RFX3: variants seen among roughly 807,000 people sequenced by gnomAD.
RFX3 encodes the protein transcription factor RFX3.
RFX3 carries 14 observed loss-of-function variants against 98.6 expected under a neutral mutation model. The observed-to-expected ratio is 0.14, with a 90% CI of 0.09 to 0.22. The LOEUF (loss-of-function observed/expected upper bound fraction) is 0.22, where lower values mean the gene tolerates loss of function less well. Ranked by LOEUF, RFX3 falls within the 10% of genes least tolerant of loss-of-function variation. RFX3 has a pLI of 1.00. For synonymous variants in RFX3, 383 were observed against 328.4 expected, an observed-to-expected ratio of 1.17 and a Z score of -1.80; for missense variants, 639 against 926.9, an observed-to-expected ratio of 0.69 and a Z score of 4.03.
At chr9:3,396,857 T>G (rs1198697434) in intron 1 of RFX3, among the ~76,000 whole-genome samples, 1 of 152,322 alleles carries the variant, frequency 6.6e-6, no homozygotes, top group South Asian at 2.1e-4. Flanking sequence ...TCTAAGGTCC[T>G]TTCCAACTTT....
intron 13 of RFX3, among the ~76,000 whole-genome samples, chr9:3,261,812 T>C (rs185802092): frequency 3.2e-4 from 49 of 152,278 alleles, no homozygotes; most frequent in Admixed American, 2.9e-3. Flanking sequence ...ATAGGGTATG[T>C]TATTATATGT....
At chr9:3,225,982 C>T (rs1366037992) in intron 16 of RFX3, among the ~76,000 whole-genome samples, 1 of 152,020 alleles carries the variant, frequency 6.6e-6, no homozygotes, top group Non-Finnish European at 1.5e-5. Flanking sequence ...TCACTGTTAC[C>T]CCCAAATTGT....
At chr9:3,325,209 C>G (rs1026205477) in intron 4 of RFX3, among the ~76,000 whole-genome samples, 1 of 152,096 alleles carries the variant, frequency 6.6e-6, no homozygotes, top group Admixed American at 6.6e-5. Flanking sequence ...AAGAGCTAAA[C>G]ATATTTATAC....
chr9:3,493,225 G>C (rs1002595824), intron 1 of RFX3, among the ~76,000 whole-genome samples: 1 of 151,992 alleles, frequency 6.6e-6, no homozygotes, highest in Non-Finnish European at 1.5e-5. Flanking sequence ...TTCAACCAAA[G>C]TCTTTCTCAA....
intron 9 of RFX3, 34 bp from the exon 10 acceptor site, chr9:3,271,152 A>G (rs1824377084): frequency 5.1e-6 from 8 of 1,575,866 alleles, no homozygotes; most frequent in Non-Finnish European, 7.0e-6. Context: ...ATTACCTTAC[A>G]ATATTATTTA....
chr9:3,488,784 A>G (rs1225372950), intron 1 of RFX3: 14 of 985,200 alleles, frequency 1.4e-5, no homozygotes, highest in Non-Finnish European at 1.6e-5. Flanking sequence ...ACGCAGAACC[A>G]CAAGTTTGAA....
chr9:3,346,948 C>G (rs969854879), intron 2 of RFX3, among the ~76,000 whole-genome samples, 184 bp from the exon 3 acceptor site: 1 of 152,164 alleles, frequency 6.6e-6, no homozygotes, highest in African/African-American at 2.4e-5. Flanking sequence ...GCAACTGCAA[C>G]ATTTATGCTG....
At chr9:3,453,486 G>C (rs1251321365) in intron 1 of RFX3, 1 of 151,972 alleles carries the variant, frequency 6.6e-6, no homozygotes, top group Non-Finnish European at 1.5e-5. Flanking sequence ...AAGGCGGGTG[G>C]ATCACTTGAG....
chr9:3,362,056 G>C lies in RFX3; in HGVS notation c.118-15292C>G, dbSNP rs747477168. Among the ~76,000 whole-genome samples the C allele has an allele frequency of 2.0e-5, 3 of 152,316 alleles. No homozygotes were observed. The East Asian group carries it at 5.8e-4, about 29-fold the overall frequency. On this transcript the variant is annotated intron_variant, in intron 2 of 16. Transcript: ENST00000617270. The stretch of plus-strand genomic sequence containing the variant: ...TTTGGTATAATTTGTAGGTAAGGAT[G>C]TTTATACTTCATGAGCACAGGATCA...
At chr9:3,340,423 A>T (rs1021512434) in intron 3 of RFX3, among the ~76,000 whole-genome samples, 37 of 152,350 alleles carry the variant, frequency 2.4e-4, no homozygotes, top group African/African-American at 8.7e-4. Flanking sequence ...AAAACCAAAG[A>T]GCTTCTGCAC....
At chr9:3,340,807 G>C (rs1239130285) in intron 3 of RFX3, among the ~76,000 whole-genome samples, 2 of 152,192 alleles carry the variant, frequency 1.3e-5, no homozygotes, top group African/African-American at 2.4e-5. Context: ...CTGTTGGTGA[G>C]ACTGTAAACT....
chr9:3,496,115 G>C (rs1851090894), intron 1 of RFX3, among the ~76,000 whole-genome samples: 1 of 152,002 alleles, frequency 6.6e-6, no homozygotes, highest in African/African-American at 2.4e-5. Context: ...CACAAGCCTG[G>C]GCAGTTTAGT....
At chr9:3,504,877 TATTATATATAATATAACATATATTATATA>T (rs1816666109) in intron 1 of RFX3, among the ~76,000 whole-genome samples, 1 of 75,664 alleles carries the variant, frequency 1.3e-5, no homozygotes, top group African/African-American at 6.4e-5. Context: ...ATATTATATA[TATTATATATAATATAACATATATTATATA>T]TATATATAAT....
chr9:3,411,619 G>C (rs1018942156), intron 1 of RFX3, among the ~76,000 whole-genome samples: 10 of 151,828 alleles, frequency 6.6e-5, no homozygotes, highest in Non-Finnish European at 1.3e-4. Flanking sequence ...GGGATTATAG[G>C]TGTGTGACAC....
At chr9:3,411,407 G>C (rs1025460145) in intron 1 of RFX3, among the ~76,000 whole-genome samples, 9 of 151,888 alleles carry the variant, frequency 5.9e-5, no homozygotes, top group African/African-American at 2.2e-4. Context: ...CTGTTGCCAA[G>C]GCTGAAGTGC....
At chr9:3,383,200 T>C (rs1839373913) in intron 2 of RFX3, among the ~76,000 whole-genome samples, 1 of 152,118 alleles carries the variant, frequency 6.6e-6, no homozygotes, top group Non-Finnish European at 1.5e-5. Flanking sequence ...TGTTCATACT[T>C]AGAGTCTGAG....
intron 3 of RFX3, chr9:3,344,701 G>A: frequency 1.7e-6 from 1 of 603,610 alleles, no homozygotes; most frequent in Non-Finnish European, 3.0e-6. Context: ...ACTTGTCACA[G>A]ACAAAGATGA....
At chr9:3,317,458 G>C (rs1830752979) in intron 4 of RFX3, among the ~76,000 whole-genome samples, 1 of 152,156 alleles carries the variant, frequency 6.6e-6, no homozygotes, top group South Asian at 2.1e-4. Flanking sequence ...CATAGGCATG[G>C]GCAAGGACTT....
intron 2 of RFX3, among the ~76,000 whole-genome samples, chr9:3,371,211 G>C (rs997797653): frequency 6.6e-6 from 1 of 152,154 alleles, no homozygotes. Context: ...CAAAAATTCA[G>C]ATGTCTCTGT....
Sources: gnomAD v4.1 joint callset for allele counts (sites outside exome capture counted in the v4.1 genomes callset) on GRCh38, gnomAD v4.1.1 for gene constraint, MANE v1.5 for transcripts, NCBI Gene and HGNC (gene_info 2026-07-23, HGNC 2026-07-21) for gene names.